Variants in UGT1A8 observed in about 807,000 individuals in gnomAD.
UGT1A8 encodes UDP-glucuronosyltransferase 1A8.
A neutral mutation model predicts 45.3 loss-of-function variants in UGT1A8; 39 were observed. The observed-to-expected ratio is 0.86, with a 90% CI of 0.67 to 1.12. UGT1A8 has a LOEUF of 1.12. Among genes scored for constraint, UGT1A8 ranks in the 50% most tolerant of loss-of-function variants. The probability of loss-of-function intolerance (pLI) is 0.00; values close to 1 mark genes in which losing one functional copy is unlikely to be tolerated. For missense variants in UGT1A8, 719 were observed against 664.9 expected, an observed-to-expected ratio of 1.08 and a Z score of -0.90; for synonymous variants, 275 against 249.2, an observed-to-expected ratio of 1.10 and a Z score of -0.97.
At chr2:233,668,874 C>A (rs1285268052) in intron 1 of UGT1A8, among the ~76,000 whole-genome samples, 1 of 152,202 alleles carries the variant, frequency 6.6e-6, no homozygotes, top group Non-Finnish European at 1.5e-5. Flanking sequence ...ACATTTGTTT[C>A]ATCTCCTCTA....
At chr2:233,724,459 C>T (rs1289269804) in intron 1 of UGT1A8, among the ~76,000 whole-genome samples, 3 of 125,990 alleles carry the variant, frequency 2.4e-5, no homozygotes, top group Non-Finnish European at 3.3e-5. Flanking sequence ...AGCTGCCGGG[C>T]GGAGGGGCTC....
intron 1 of UGT1A8, among the ~76,000 whole-genome samples, chr2:233,723,234 T>C (rs1308152593): frequency 3.2e-4 from 38 of 117,916 alleles, no homozygotes; most frequent in African/African-American, 1.4e-3. Context: ...TTTTTTGAGT[T>C]GGAGTCCTGC....
chr2:233,742,633 C>A (rs1280681642), intron 1 of UGT1A8: 1 of 152,070 alleles, frequency 6.6e-6, no homozygotes, highest in African/African-American at 2.4e-5. Context: ...TGAAGACAGT[C>A]CTAGTATACC....
intron 1 of UGT1A8, among the ~76,000 whole-genome samples, chr2:233,698,935 C>T (rs1430482014): frequency 6.6e-6 from 1 of 152,234 alleles, no homozygotes; most frequent in Non-Finnish European, 1.5e-5. Flanking sequence ...CAGAGGGCTG[C>T]TTGGTTTCTG....
At chr2:233,695,564 A>AC (rs1277678782) in intron 1 of UGT1A8, among the ~76,000 whole-genome samples, 4 of 146,794 alleles carry the variant, frequency 2.7e-5, no homozygotes, top group East Asian at 2.0e-4. Flanking sequence ...AACCATTTTC[A>AC]CCCCCCCTTC....
chr2:233,755,226 G>A lies in UGT1A8; in HGVS notation c.856-11808G>A, dbSNP rs529614771. The A allele has an allele frequency of 5.1e-6, 5 of 975,542 alleles. No homozygotes were observed. In the East Asian group the frequency reaches 1.5e-4, roughly 29 times the overall value. 60.4% of individuals were successfully genotyped at this position (975,542 alleles called of 1,614,324 possible). On this transcript the variant is annotated intron_variant, in intron 1 of 4. Transcript: ENST00000373450. ...GTACGCCTTCTTGATACCCTCGGAC[G>A]AGGCCTACCGGGGTACTCCCAGCAC...
Position 233,772,946 on chromosome 2 carries a change from G to A in UGT1A8, c.*387G>A. On this transcript the variant is annotated 3_prime_UTR_variant, in exon 5 of 5. Transcript: ENST00000373450. ...GTTTTAATCTTATCTTTTGGCTTCT[G>A]CAGATGGTTGCAATTGATCCTTAAC... The A allele has an allele frequency of 3.1e-6, 1 of 325,346 alleles. No homozygotes were observed. Among genetic ancestry groups the A allele is most frequent in the Non-Finnish European group, 5.8e-6 (1 of 173,426 alleles). The allele number at this position is 325,346 out of a possible 1,614,324, so 20.2% of individuals were successfully genotyped here.
At chr2:233,658,613 T>C (rs1299951770) in intron 1 of UGT1A8, among the ~76,000 whole-genome samples, 2 of 152,220 alleles carry the variant, frequency 1.3e-5, no homozygotes, top group African/African-American at 2.4e-5. Flanking sequence ...TCAGTCTTGG[T>C]TTGTCTGATG....
chr2:233,755,461 C>T, intron 1 of UGT1A8: 1 of 282,900 alleles, frequency 3.5e-6, no homozygotes, highest in Non-Finnish European at 6.9e-6. Context: ...ACTGGCCCTG[C>T]TCTCTGTGAG....
At chr2:233,709,645 G>C (rs919625647) in intron 1 of UGT1A8, among the ~76,000 whole-genome samples, 1 of 152,178 alleles carries the variant, frequency 6.6e-6, no homozygotes, top group Non-Finnish European at 1.5e-5. Context: ...TCTTGGAATA[G>C]GTAGGGCTTT....
At chr2:233,679,936 A>G (rs2074466916) in intron 1 of UGT1A8, among the ~76,000 whole-genome samples, 1 of 152,138 alleles carries the variant, frequency 6.6e-6, no homozygotes, top group African/African-American at 2.4e-5. Context: ...TATTTCACAA[A>G]AAGATGCGAG....
chr2:233,709,101 C>A (rs780265500), intron 1 of UGT1A8, among the ~76,000 whole-genome samples: 26 of 152,142 alleles, frequency 1.7e-4, no homozygotes, highest in Non-Finnish European at 3.7e-4. Context: ...AAGTCACATG[C>A]CCATCTCTGA....
At chr2:233,672,384 T>G (rs1185171529) in intron 1 of UGT1A8, 5 of 1,614,040 alleles carry the variant, frequency 3.1e-6, no homozygotes, top group Non-Finnish European at 3.4e-6. Context: ...TCGATCCTTT[T>G]GATAACTGTG....
At chr2:233,733,123 G>A (rs1024576772) in intron 1 of UGT1A8, among the ~76,000 whole-genome samples, 1 of 152,178 alleles carries the variant, frequency 6.6e-6, no homozygotes. Context: ...TGTTATTGGT[G>A]TATAGGAATG....
chr2:233,653,212 T>C (rs2073781607), intron 1 of UGT1A8, among the ~76,000 whole-genome samples: 1 of 152,196 alleles, frequency 6.6e-6, no homozygotes, highest in Non-Finnish European at 1.5e-5. Flanking sequence ...TGAAAGATAA[T>C]CTGTTTACGT....
intron 1 of UGT1A8, among the ~76,000 whole-genome samples, chr2:233,639,696 CT>C (rs1324513973): frequency 6.6e-6 from 1 of 152,176 alleles, no homozygotes; most frequent in African/African-American, 2.4e-5. Flanking sequence ...CTCCTTGAGT[CT>C]ATCCAGGAGA....
intron 1 of UGT1A8, among the ~76,000 whole-genome samples, chr2:233,643,159 T>G (rs2125465938): frequency 6.6e-6 from 1 of 152,362 alleles, no homozygotes; most frequent in Middle Eastern, 3.4e-3. Context: ...CCCCAGGCCC[T>G]GGGTGGGTCC....
intron 1 of UGT1A8, among the ~76,000 whole-genome samples, chr2:233,640,086 C>T (rs1480435666): frequency 6.6e-6 from 1 of 152,122 alleles, no homozygotes; most frequent in Admixed American, 6.5e-5. Flanking sequence ...TGTGCTTTCC[C>T]CATTGCTCTA....
Position 233,740,185 on chromosome 2 carries a change from CCT to C in UGT1A8, c.856-26846_856-26845del, listed in dbSNP as rs573081380. On this transcript the variant is annotated intron_variant, in intron 1 of 4. Transcript: ENST00000373450. ...CATGTGGAACTGTGAGTCAATTAAA[CCT>C]CTTTCTTTTATAAATTACCCAGTCT... Among the ~76,000 whole-genome samples, 45 of 151,974 alleles carry C rather than the reference CCT, an allele frequency of 3.0e-4. 2 individuals are homozygous for C. Among genetic ancestry groups the C allele is most frequent in the African/African-American group, 9.9e-4 (41 of 41,240 alleles).
Sources: allele counts gnomAD v4.1 joint callset (sites outside exome capture counted in the v4.1 genomes callset), GRCh38; gene constraint gnomAD v4.1.1; transcripts MANE v1.5; gene names NCBI Gene and HGNC (gene_info 2026-07-23, HGNC 2026-07-21).